The following SENP6 variants were observed in gnomAD, a reference collection of about 807,000 sequenced individuals.
SENP6 encodes SUMO specific peptidase 6, also known as sentrin-specific protease 6.
In SENP6, 41 loss-of-function variants were observed where a neutral mutation model predicts 134.5. The ratio of observed to expected loss-of-function variants is 0.30; its 90% CI spans 0.24 to 0.40. SENP6 has a LOEUF of 0.40. Among genes scored for constraint, SENP6 ranks in the 10% least tolerant of loss-of-function variants. The pLI, the probability that SENP6 is intolerant of heterozygous loss-of-function variation, is 1.00. For missense variants in SENP6, 1,248 were observed against 1,312.5 expected (o/e 0.95, Z 0.76); for synonymous variants, 395 against 429.8 (o/e 0.92, Z 1.00).
At chr6:75,609,729 GA>G (rs1767300739) in intron 1 of SENP6, among the ~76,000 whole-genome samples, 1 of 152,160 alleles carries the variant, frequency 6.6e-6, no homozygotes, top group South Asian at 2.1e-4. Flanking sequence ...TTATTTCAAA[GA>G]TATAAATAGC....
intron 1 of SENP6, among the ~76,000 whole-genome samples, chr6:75,619,938 T>A (rs932589263): frequency 2.6e-5 from 4 of 151,846 alleles, no homozygotes; most frequent in Admixed American, 6.6e-5. Flanking sequence ...CAAAAAAATT[T>A]AAAAATTTCC....
At chr6:75,681,743 A>C (rs1490011882) in intron 16 of SENP6, among the ~76,000 whole-genome samples, 2 of 152,112 alleles carry the variant, frequency 1.3e-5, no homozygotes, top group Non-Finnish European at 2.9e-5. Context: ...AACAATATAA[A>C]GAAGAAACAA....
At chr6:75,701,256 C>T (rs896724811) in intron 18 of SENP6, among the ~76,000 whole-genome samples, 2 of 152,126 alleles carry the variant, frequency 1.3e-5, no homozygotes, top group Non-Finnish European at 2.9e-5. Context: ...TTCCTTGTAT[C>T]CCAGCACAGC....
At chr6:75,662,492 T>C (rs1422813457) in intron 8 of SENP6, among the ~76,000 whole-genome samples, 2 of 152,200 alleles carry the variant, frequency 1.3e-5, no homozygotes, top group East Asian at 3.8e-4. Flanking sequence ...TTTATGAAAA[T>C]TTATTTACAG....
chr6:75,689,367 A>C (rs1003594997), intron 16 of SENP6, among the ~76,000 whole-genome samples: 1 of 152,224 alleles, frequency 6.6e-6, no homozygotes, highest in East Asian at 1.9e-4. Context: ...GCATCAAAAC[A>C]ATATAACACA....
In SENP6 at chr6:75,709,524, C is replaced by T; in HGVS notation, c.2717-3C>T. ...TATTATGTAATGTTTCTTATTGATACAGATGGCTTAAGCAAAATCAGACTA... is the reference window on the plus strand; with the variant it reads ...TATTATGTAATGTTTCTTATTGATATAGATGGCTTAAGCAAAATCAGACTA... On this transcript the variant is annotated splice_polypyrimidine_tract_variant and splice_region_variant and intron_variant, in intron 19 of 23. Transcript: ENST00000447266. 6.2e-7 allele frequency: 1 copy of T among 1,608,312 alleles called. No individual in the cohort carries two copies. Among genetic ancestry groups the T allele is most frequent in the Non-Finnish European group, 8.5e-7 (1 of 1,175,028 alleles).
rs1768275099 is a variant in SENP6 at position 75,621,617 on chromosome 6, A to G, written c.138A>G (p.Thr46=). 2 of 1,587,554 alleles carry G rather than the reference A, an allele frequency of 1.3e-6. No homozygotes were observed. Among genetic ancestry groups the G allele is most frequent in the Admixed American group, 1.7e-5 (1 of 58,020 alleles). ...FDHEEESEGD[T]DKDGTNLLSV... ...ATGAAGAAGAAAGTGAAGGAGATAC[A>G]GATAAAGAGTAAGGATTTTTTTTTC... The change falls in exon 2 of 24, where the codon ACA becomes ACG. Residue 46 remains threonine, a synonymous_variant. Coordinates refer to ENST00000447266, the MANE Select transcript of SENP6 (RefSeq NM_015571.4).
At chr6:75,603,151 AAG>A (rs1439207445) in intron 1 of SENP6, among the ~76,000 whole-genome samples, 2 of 152,170 alleles carry the variant, frequency 1.3e-5, no homozygotes, top group Admixed American at 6.5e-5. Context: ...TATCTGGAAA[AAG>A]AGTAAGGTTT....
At chr6:75,661,680 C>T (rs1449336776) in intron 8 of SENP6, among the ~76,000 whole-genome samples, 1 of 152,166 alleles carries the variant, frequency 6.6e-6, no homozygotes, top group Non-Finnish European at 1.5e-5. Context: ...AACTTTAATT[C>T]CTAGACAAGG....
chr6:75,639,261 A>G (rs980913375), intron 5 of SENP6, among the ~76,000 whole-genome samples: 1 of 152,180 alleles, frequency 6.6e-6, no homozygotes, highest in African/African-American at 2.4e-5. Flanking sequence ...CTTCTTTAAT[A>G]GGGATGTGAT....
chr6:75,627,583 A>G lies in SENP6; in HGVS notation c.207+3623A>G, dbSNP rs901284783. On this transcript the variant is annotated intron_variant, in intron 3 of 23. Transcript: ENST00000447266. ...GTTTGAGATCAGCCTGGGCAACAAA[A>G]TGAGACTCTACCAGAAATAAAAATA... Among the ~76,000 whole-genome samples, 97 of 152,164 alleles carry G rather than the reference A, an allele frequency of 6.4e-4. 1 individual carries two copies. The highest frequency in any genetic ancestry group is 2.2e-3 in the African/African-American group (92 of 41,442).
chr6:75,626,233 A>G (rs931311722), intron 3 of SENP6, among the ~76,000 whole-genome samples: 1 of 152,000 alleles, frequency 6.6e-6, no homozygotes, highest in Non-Finnish European at 1.5e-5. Flanking sequence ...TTTCAGCATC[A>G]TATCTCAAAA....
chr6:75,634,770 T>C lies in SENP6; in HGVS notation c.417T>C (p.His139=). 1 of 1,598,984 alleles carries C rather than the reference T, an allele frequency of 6.3e-7. No homozygotes were observed. Among genetic ancestry groups the C allele is most frequent in the Non-Finnish European group, 8.5e-7 (1 of 1,176,726 alleles). Reference sequence around the variant, plus strand: ...TAGTTCATGGTAGACGTTTTCATCATGCTCATGCACAGATACCAGTAGTAA... The same window carrying C: ...TAGTTCATGGTAGACGTTTTCATCACGCTCATGCACAGATACCAGTAGTAA... ...GTVVHGRRFH[H]AHAQIPVVKT... is the part of the protein sequence containing the mutation. The change falls in exon 5 of 24, where the codon CAT becomes CAC. Residue 139 remains histidine, a synonymous_variant. Coordinates refer to ENST00000447266, the MANE Select transcript of SENP6 (RefSeq NM_015571.4).
chr6:75,645,707 G>A (rs1770381620), intron 6 of SENP6, among the ~76,000 whole-genome samples: 1 of 152,068 alleles, frequency 6.6e-6, no homozygotes, highest in African/African-American at 2.4e-5. Flanking sequence ...AATAATATAT[G>A]GCTAGGTAGT....
intron 16 of SENP6, among the ~76,000 whole-genome samples, chr6:75,689,600 T>C (rs1301255360): frequency 6.6e-6 from 1 of 152,168 alleles, no homozygotes; most frequent in African/African-American, 2.4e-5. Flanking sequence ...AACGTTTCAG[T>C]CAATTATGGA....
chr6:75,650,614 G>T (rs911560845), intron 7 of SENP6, among the ~76,000 whole-genome samples: 19 of 152,152 alleles, frequency 1.2e-4, no homozygotes, highest in Admixed American at 6.5e-4. Flanking sequence ...ATAAATGAGG[G>T]TTTTATGAGT....
intron 3 of SENP6, among the ~76,000 whole-genome samples, chr6:75,628,225 T>C (rs1365183536): frequency 6.6e-6 from 1 of 152,168 alleles, no homozygotes; most frequent in Non-Finnish European, 1.5e-5. Flanking sequence ...CCATAGAATC[T>C]TAATATGATA....
Position 75,695,938 on chromosome 6 carries a change from GA to G in SENP6, c.2195+19del. Reference sequence around the variant, plus strand: ...ACTAATCTGTCGTAAGTCAAACTCTGAAAATATTTAACAGATGTAAGTCACT... The same window carrying G: ...ACTAATCTGTCGTAAGTCAAACTCTGAAATATTTAACAGATGTAAGTCACT... On this transcript the variant is annotated intron_variant, in intron 17 of 23. Coordinates refer to ENST00000447266, the MANE Select transcript of SENP6 (RefSeq NM_015571.4). 1.3e-6 allele frequency: 2 copies of G among 1,569,940 alleles called. No individual in the cohort carries two copies. Among genetic ancestry groups the G allele is most frequent in the African/African-American group, 1.4e-5 (1 of 72,480 alleles).
At chr6:75,611,240 G>T (rs1767428027) in intron 1 of SENP6, 1 of 152,156 alleles carries the variant, frequency 6.6e-6, no homozygotes, top group African/African-American at 2.4e-5. Context: ...AATGAAGTGG[G>T]ATTCCAAACA....
Sources: gnomAD v4.1 joint callset for allele counts (sites outside exome capture counted in the v4.1 genomes callset) on GRCh38, gnomAD v4.1.1 for gene constraint, MANE v1.5 for transcripts, NCBI Gene and HGNC (gene_info 2026-07-23, HGNC 2026-07-21) for gene names.